The following DAAM1 variants were observed in gnomAD, a reference collection of about 807,000 sequenced individuals.
The protein encoded by DAAM1 is disheveled-associated activator of morphogenesis 1.
In DAAM1, 52 loss-of-function variants were observed where a neutral mutation model predicts 130.0. The ratio of observed to expected loss-of-function variants is 0.40; its 90% CI spans 0.32 to 0.50. The LOEUF is 0.50. DAAM1 is among the 20% of genes least tolerant of loss of function. DAAM1 has a pLI of 0.61. For missense variants in DAAM1, 1,134 were observed against 1,303.8 expected (o/e 0.87, Z 2.01); for synonymous variants, 452 against 444.5 (o/e 1.02, Z -0.21).
chr14:59,321,994 A>C (rs945604805), intron 5 of DAAM1, among the ~76,000 whole-genome samples: 1 of 152,224 alleles, frequency 6.6e-6, no homozygotes, highest in Non-Finnish European at 1.5e-5. Context: ...TAATAACGTT[A>C]GTATGCAACA....
chr14:59,364,866 A>G (rs1223836300), intron 23 of DAAM1, among the ~76,000 whole-genome samples: 5 of 149,962 alleles, frequency 3.3e-5, no homozygotes, highest in African/African-American at 1.2e-4. Flanking sequence ...CTGATATCCC[A>G]CAGTGGAAAT....
intron 1 of DAAM1, among the ~76,000 whole-genome samples, chr14:59,208,434 G>A (rs1472190310): frequency 6.6e-6 from 1 of 152,150 alleles, no homozygotes; most frequent in Non-Finnish European, 1.5e-5. Context: ...AATCATCTGA[G>A]GCCATGGCCG....
intron 12 of DAAM1, 29 bp downstream of exon 12, chr14:59,327,020 G>A: frequency 6.2e-7 from 1 of 1,612,450 alleles, no homozygotes; most frequent in Non-Finnish European, 8.5e-7. Flanking sequence ...ATAAGAGGCT[G>A]TGTTATTGGT....
intron 1 of DAAM1, among the ~76,000 whole-genome samples, chr14:59,242,854 G>A (rs924493291): frequency 1.3e-5 from 2 of 152,126 alleles, no homozygotes; most frequent in African/African-American, 2.4e-5. Context: ...GTGCCCAGCC[G>A]CTGGGTACTA....
intron 1 of DAAM1, among the ~76,000 whole-genome samples, chr14:59,254,040 A>G (rs1278939218): frequency 2.0e-5 from 3 of 152,170 alleles, no homozygotes; most frequent in South Asian, 2.1e-4. Context: ...TGCATTTTCT[A>G]TGTGGATGGC....
At chr14:59,278,053 A>G (rs188078964) in intron 2 of DAAM1, among the ~76,000 whole-genome samples, 1 of 152,298 alleles carries the variant, frequency 6.6e-6, no homozygotes, top group Admixed American at 6.5e-5. Flanking sequence ...AACAATAACT[A>G]ATAATAAAAT....
chr14:59,311,670 A>C (rs1056755559), intron 3 of DAAM1, among the ~76,000 whole-genome samples: 1 of 151,952 alleles, frequency 6.6e-6, no homozygotes, highest in Non-Finnish European at 1.5e-5. Context: ...TTCCCTACAG[A>C]TGGGAAAGAT....
chr14:59,193,099 G>T (rs1887782431), intron 1 of DAAM1, among the ~76,000 whole-genome samples: 1 of 152,196 alleles, frequency 6.6e-6, no homozygotes, highest in South Asian at 2.1e-4. Flanking sequence ...AAGTTTAGAG[G>T]AAATTGATTG....
chr14:59,316,601 A>G (rs1489814947), intron 4 of DAAM1, among the ~76,000 whole-genome samples: 1 of 152,208 alleles, frequency 6.6e-6, no homozygotes, highest in Non-Finnish European at 1.5e-5. Context: ...ATCTCACACA[A>G]TGCCAAAGAT....
chr14:59,192,878 C>T (rs1183139877), intron 1 of DAAM1, among the ~76,000 whole-genome samples: 1 of 152,134 alleles, frequency 6.6e-6, no homozygotes. Context: ...ACGGGGAAAC[C>T]CCGTCTCTAC....
At chr14:59,274,973 G>C (rs1882895026) in intron 2 of DAAM1, among the ~76,000 whole-genome samples, 1 of 152,142 alleles carries the variant, frequency 6.6e-6, no homozygotes, top group African/African-American at 2.4e-5. Flanking sequence ...CTCCAATGTG[G>C]GAAGACTTAT....
At chr14:59,366,677 A>C (rs1038938220) in intron 23 of DAAM1, among the ~76,000 whole-genome samples, 6 of 152,220 alleles carry the variant, frequency 3.9e-5, no homozygotes, top group Non-Finnish European at 8.8e-5. Context: ...GAGGAGTATT[A>C]CAATTTTTAC....
chr14:59,362,591 G>A (rs79943182), intron 22 of DAAM1: 18 of 148,876 alleles, frequency 1.2e-4, no homozygotes, highest in Admixed American at 9.5e-4. Flanking sequence ...TTTCACTTCC[G>A]TTATTTCATT....
chr14:59,328,820 A>G (rs1194955636), intron 12 of DAAM1, among the ~76,000 whole-genome samples: 2 of 152,220 alleles, frequency 1.3e-5, no homozygotes, highest in Non-Finnish European at 2.9e-5. Context: ...AGGTTGTTTT[A>G]GTGTTTTAAA....
In DAAM1 at chr14:59,330,255, G is replaced by GT. The variant is rs1393503041; in HGVS notation, c.1373-245dup. Among the ~76,000 whole-genome samples, 4 of 147,112 alleles carry GT rather than the reference G, an allele frequency of 2.7e-5. No individual in the cohort carries two copies. The Admixed American group carries it at 2.8e-4, about 10-fold the overall frequency. ...AAACTTTTGTTCTGTGTTTAGAACT[G>GT]TGAGTGTAGGCTCTCTTCTTCAGTC... On this transcript the variant is annotated intron_variant, in intron 12 of 24. Transcript: ENST00000360909.
chr14:59,322,990 C>T lies in DAAM1; in HGVS notation c.539C>T (p.Ser180Phe). 1 of 1,614,162 alleles carries T rather than the reference C, an allele frequency of 6.2e-7. No individual in the cohort carries two copies. Among genetic ancestry groups the T allele is most frequent in the Non-Finnish European group, 8.5e-7 (1 of 1,180,012 alleles). The change falls in exon 6 of 25, where the codon TCT becomes TTT. Residue 180 changes from serine to phenylalanine, a missense_variant. By Grantham distance (155) the Ser-to-Phe change is radical. Around this residue, in one of 3 missense-constraint regions of DAAM1, gnomAD observed 391 missense variants for 521.6 expected, o/e 0.75. Transcript: ENST00000360909. ...ACCTCAGAGTCTCGAATACATACTT[C>T]TCTCATTGGCTGTATAAAGGCGTTA... ...YETSESRIHT[S>F]LIGCIKALMN...
intron 2 of DAAM1, among the ~76,000 whole-genome samples, chr14:59,280,395 A>G (rs1566681953): frequency 6.6e-6 from 1 of 152,122 alleles, no homozygotes; most frequent in Non-Finnish European, 1.5e-5. Context: ...TGATCACACC[A>G]CTGCACTCCA....
chr14:59,233,385 A>T (rs1433232202), intron 1 of DAAM1, among the ~76,000 whole-genome samples: 1 of 152,142 alleles, frequency 6.6e-6, no homozygotes, highest in African/African-American at 2.4e-5. Flanking sequence ...TTCTCTAATG[A>T]TCAGTGATGA....
chr14:59,292,109 T>G (rs571127645), intron 3 of DAAM1, among the ~76,000 whole-genome samples: 48 of 152,218 alleles, frequency 3.2e-4, no homozygotes, highest in African/African-American at 1.1e-3. Flanking sequence ...ACACCCATTT[T>G]GGGGACTCCT....
Sources: gnomAD v4.1 joint callset for allele counts (sites outside exome capture counted in the v4.1 genomes callset) on GRCh38, gnomAD v4.1.1 for gene constraint, gnomAD v4.1.1 regional missense constraint, MANE v1.5 for transcripts, NCBI Gene and HGNC (gene_info 2026-07-23, HGNC 2026-07-21) for gene names.